GRK5: variants seen among roughly 807,000 people sequenced by gnomAD.
The protein encoded by GRK5 is g protein-coupled receptor kinase GRK5.
In GRK5, 40 loss-of-function variants were observed where a neutral mutation model predicts 78.4. The observed-to-expected ratio is 0.51, with a 90% confidence interval of 0.40 to 0.66. The LOEUF is 0.66. GRK5 is among the 30% of genes least tolerant of loss of function. The pLI is 0.00. For missense variants in GRK5, 598 were observed against 759.9 expected, an observed-to-expected ratio of 0.79 and a Z score of 2.50; for synonymous variants, 289 against 296.8, an observed-to-expected ratio of 0.97 and a Z score of 0.27.
chr10:119,416,327 C>A (rs934349441), intron 4 of GRK5, among the ~76,000 whole-genome samples: 2 of 152,270 alleles, frequency 1.3e-5, no homozygotes, highest in African/African-American at 4.8e-5. Flanking sequence ...CGACGCCATC[C>A]TCGGGGCTGA....
chr10:119,270,024 T>C (rs1377806717), intron 1 of GRK5, among the ~76,000 whole-genome samples: 1 of 152,102 alleles, frequency 6.6e-6, no homozygotes, highest in Non-Finnish European at 1.5e-5. Context: ...TACCTTCCTA[T>C]TGCTGTTCCC....
At chr10:119,344,380 C>T (rs896375342) in intron 2 of GRK5, among the ~76,000 whole-genome samples, 3 of 152,128 alleles carry the variant, frequency 2.0e-5, no homozygotes, top group Admixed American at 2.0e-4. Flanking sequence ...CATCCTGTGT[C>T]CAAGTGATCT....
chr10:119,257,560 C>A (rs549688144), intron 1 of GRK5, among the ~76,000 whole-genome samples: 1 of 152,262 alleles, frequency 6.6e-6, no homozygotes, highest in East Asian at 1.9e-4. Context: ...CCTGTCTCTA[C>A]TAAAAATACA....
Position 119,430,518 on chromosome 10 carries a change from G to T in GRK5, c.597+80G>T. ...CTGTCCCTTCTAAATCAACCTAAAGGGTTGGCCCACGGGTCCCCCGGGGGC... is the reference window on the plus strand; with the variant it reads ...CTGTCCCTTCTAAATCAACCTAAAGTGTTGGCCCACGGGTCCCCCGGGGGC... On this transcript the variant is annotated intron_variant, in intron 7 of 15. Coordinates refer to ENST00000392870, the MANE Select transcript of GRK5 (RefSeq NM_005308.3). The surrounding 1 kb of genome is among the most constrained non-coding windows in gnomAD (Gnocchi z 4.5). 5.1e-6 allele frequency: 7 copies of T among 1,385,894 alleles called. No individual in the cohort carries two copies. Among genetic ancestry groups the T allele is most frequent in the Non-Finnish European group, 7.1e-6 (7 of 989,494 alleles). 85.8% of individuals were successfully genotyped at this position (1,385,894 alleles called of 1,614,324 possible). A position where few individuals can be genotyped will look rare whatever the true frequency, so the allele number is the denominator to read the frequency against.
chr10:119,256,486 C>G (rs976084381), intron 1 of GRK5, among the ~76,000 whole-genome samples: 1 of 152,180 alleles, frequency 6.6e-6, no homozygotes, highest in Admixed American at 6.5e-5. Context: ...GCTCACACAG[C>G]TGAGTAACAA....
intron 9 of GRK5, among the ~76,000 whole-genome samples, chr10:119,437,346 G>A (rs76263063): frequency 0.016 from 2,403 of 152,220 alleles, 65 homozygotes; most frequent in African/African-American, 0.055. Context: ...AATCCCACAG[G>A]GACCTGGACA....
At chr10:119,231,344 T>A (rs1848825741) in intron 1 of GRK5, among the ~76,000 whole-genome samples, 1 of 151,860 alleles carries the variant, frequency 6.6e-6, no homozygotes, top group African/African-American at 2.4e-5. Flanking sequence ...CCCCAATAAC[T>A]TATAGAAAAA....
intron 1 of GRK5, among the ~76,000 whole-genome samples, chr10:119,246,241 C>T (rs375507457): frequency 1.3e-5 from 2 of 152,004 alleles, no homozygotes; most frequent in East Asian, 3.9e-4. Flanking sequence ...CATCATCATC[C>T]AAACTCTAAT....
chr10:119,331,434 G>A (rs1223739792), intron 2 of GRK5, among the ~76,000 whole-genome samples: 2 of 152,232 alleles, frequency 1.3e-5, no homozygotes, highest in African/African-American at 2.4e-5. Context: ...CTCTGCTGGG[G>A]TCCTGCTGGA....
intron 2 of GRK5, among the ~76,000 whole-genome samples, chr10:119,363,345 G>A (rs1366697576): frequency 6.6e-6 from 1 of 151,534 alleles, no homozygotes; most frequent in Admixed American, 6.6e-5. Flanking sequence ...GCTGTGCTAA[G>A]TGCCTTGATT....
intron 2 of GRK5, among the ~76,000 whole-genome samples, chr10:119,343,030 G>C (rs1438841179): frequency 3.3e-5 from 5 of 152,200 alleles, no homozygotes; most frequent in Non-Finnish European, 7.3e-5. Flanking sequence ...AGATCCTGTG[G>C]AGGGTCCCAG....
intron 1 of GRK5, among the ~76,000 whole-genome samples, chr10:119,215,608 A>T (rs1016738185): frequency 6.9e-6 from 1 of 144,554 alleles, no homozygotes; most frequent in African/African-American, 2.6e-5. Context: ...GAGGAAATTC[A>T]GGTCAGGGAC....
intron 1 of GRK5, among the ~76,000 whole-genome samples, chr10:119,285,236 G>T (rs936317343): frequency 6.6e-6 from 1 of 152,174 alleles, no homozygotes; most frequent in Non-Finnish European, 1.5e-5. Context: ...GAGGTAGGGG[G>T]AGCACTAAGG....
intron 2 of GRK5, among the ~76,000 whole-genome samples, chr10:119,363,097 T>C (rs1361217956): frequency 6.6e-6 from 1 of 151,990 alleles, no homozygotes; most frequent in East Asian, 1.9e-4. Context: ...CTGGCCAACA[T>C]GGTGAAACCC....
intron 3 of GRK5, among the ~76,000 whole-genome samples, chr10:119,384,532 C>A (rs953582480): frequency 1.3e-5 from 2 of 152,210 alleles, no homozygotes; most frequent in African/African-American, 4.8e-5. Flanking sequence ...TACATGAGTT[C>A]TTACCGCTCA....
chr10:119,225,666 CTCTCT>C (rs1481287371), intron 1 of GRK5, among the ~76,000 whole-genome samples: 5 of 107,502 alleles, frequency 4.7e-5, no homozygotes, highest in African/African-American at 7.0e-5. Context: ...TCTTCTCTCT[CTCTCT>C]TTTTTTTTTT....
At chr10:119,333,775 A>G in intron 2 of GRK5, 1 of 532,914 alleles carries the variant, frequency 1.9e-6, no homozygotes, top group Non-Finnish European at 3.8e-6. Context: ...GGGGGAGCTG[A>G]GCGGATCGCT....
chr10:119,375,751 C>G (rs560143677), intron 2 of GRK5, among the ~76,000 whole-genome samples: 1 of 152,258 alleles, frequency 6.6e-6, no homozygotes, highest in Admixed American at 6.5e-5. Flanking sequence ...GTGGGCATGC[C>G]GGGGAGGTGG....
chr10:119,385,389 T>G (rs1050812036), intron 3 of GRK5, among the ~76,000 whole-genome samples: 14 of 152,128 alleles, frequency 9.2e-5, no homozygotes, highest in African/African-American at 3.1e-4. Context: ...CTTGGCCTCC[T>G]AAGTAGCTGC....
Sources: gnomAD v4.1 joint callset for allele counts (sites outside exome capture counted in the v4.1 genomes callset) on GRCh38, gnomAD v4.1.1 for gene constraint, Gnocchi (gnomAD v3.1) non-coding constraint, MANE v1.5 for transcripts, NCBI Gene and HGNC (gene_info 2026-07-23, HGNC 2026-07-21) for gene names.